SNX1: variants seen among roughly 807,000 people sequenced by gnomAD.
SNX1 encodes the protein sorting nexin-1.
Under a neutral mutation model 71.8 loss-of-function variants are expected in SNX1, and 36 were observed. The observed-to-expected ratio is 0.50, with a 90% CI of 0.38 to 0.66. The LOEUF is 0.66. Ranked by LOEUF, SNX1 falls within the 30% of genes least tolerant of loss-of-function variation. The pLI, the probability that SNX1 is intolerant of heterozygous loss-of-function variation, is 0.00. For synonymous variants in SNX1, 254 were observed against 240.7 expected, an observed-to-expected ratio of 1.06 and a Z score of -0.51; for missense variants, 612 against 646.7, an observed-to-expected ratio of 0.95 and a Z score of 0.58.
At chr15:64,102,534 C>T (rs138185007) in intron 1 of SNX1, among the ~76,000 whole-genome samples, 1 of 152,254 alleles carries the variant, frequency 6.6e-6, no homozygotes, top group African/African-American at 2.4e-5. Flanking sequence ...TCCTGCCCTG[C>T]CTTCCCTTCT....
chr15:64,138,282 A>G lies in SNX1; in HGVS notation c.*664A>G. On this transcript the variant is annotated 3_prime_UTR_variant, in exon 15 of 15. Transcript: ENST00000559844. Reference sequence around the variant, plus strand: ...TAAAATAAGAGGAGCAAAATCTATTAAAACCTATTCTCCTGCAAAGGAGGC... The same window carrying G: ...TAAAATAAGAGGAGCAAAATCTATTGAAACCTATTCTCCTGCAAAGGAGGC... The G allele has an allele frequency of 1.5e-6, 2 of 1,314,668 alleles. No individual in the cohort carries two copies. The highest frequency in any genetic ancestry group is 2.0e-6 in the Non-Finnish European group (2 of 1,000,456). 81.4% of individuals were successfully genotyped at this position (1,314,668 alleles called of 1,614,324 possible). A position where few individuals can be genotyped will look rare whatever the true frequency, so the allele number is the denominator to read the frequency against.
At chr15:64,101,405 C>A (rs2080959913) in intron 1 of SNX1, among the ~76,000 whole-genome samples, 1 of 152,136 alleles carries the variant, frequency 6.6e-6, no homozygotes, top group East Asian at 1.9e-4. Flanking sequence ...AGCACAGTGT[C>A]CTCAAGGTTC....
At position 64,127,248 on chromosome 15, in the gene SNX1, G is replaced by A; in HGVS notation, c.727G>A (p.Glu243Lys). Residue 243 changes from glutamate (E) to lysine (K), a missense_variant, in exon 7 of 15, where the codon GAA becomes AAA. Coordinates refer to ENST00000559844, the MANE Select transcript of SNX1 (RefSeq NM_003099.5). ...EFLEKRRAALERYLQRIVNHP... is the reference protein window; with the variant it reads ...EFLEKRRAALKRYLQRIVNHP... ...TCTTGAAAAACGGAGGGCCGCTTTA[G>A]AAAGGTAAGTGCCATGCAGCCATTT... 1.2e-6 allele frequency: 2 copies of A among 1,612,422 alleles called. No individual in the cohort carries two copies. Among genetic ancestry groups the A allele is most frequent in the Non-Finnish European group, 1.7e-6 (2 of 1,178,876 alleles).
rs2081404406 is a variant in SNX1, at chr15:64,140,757, C to G, written c.*3139C>G. 1 of 151,994 alleles carries G rather than the reference C, an allele frequency of 6.6e-6. No individual in the cohort carries two copies. The highest frequency in any genetic ancestry group is 2.4e-5 in the African/African-American group (1 of 41,360). 9.4% of individuals were successfully genotyped at this position (151,994 alleles called of 1,614,324 possible). A position where few individuals can be genotyped will look rare whatever the true frequency, so the allele number is the denominator to read the frequency against. ...TGCCCCCACACCCAGCTAATTTTTG[C>G]ATTTTTGGTAGAAATGGGGGTTTTA... On this transcript the variant is annotated 3_prime_UTR_variant, in exon 15 of 15. Coordinates refer to ENST00000559844, the MANE Select transcript of SNX1 (RefSeq NM_003099.5).
intron 5 of SNX1, 27 bp downstream of exon 5, chr15:64,123,573 CCATCTT>C (rs761903692): frequency 1.3e-6 from 2 of 1,598,396 alleles, no homozygotes; most frequent in South Asian, 1.1e-5. Context: ...CTGCTGATGA[CCATCTT>C]CATAGACTTT....
chr15:64,142,375 T>G lies in SNX1; in HGVS notation c.*4757T>G. 4.1e-6 allele frequency: 1 copy of G among 246,666 alleles called. No homozygotes were observed. Among genetic ancestry groups the G allele is most frequent in the Non-Finnish European group, 8.2e-6 (1 of 122,488 alleles). The allele number at this position is 246,666 out of a possible 1,614,324, so 15.3% of individuals were successfully genotyped here. A position where few individuals can be genotyped will look rare whatever the true frequency, so the allele number is the denominator to read the frequency against. ...GGGAAGGGAGGCCAGTTGCTTTAAG[T>G]AGGGGAGATAGAGTTAAAGGAGGCT... is the stretch of plus-strand genomic sequence containing the variant. On this transcript the variant is annotated 3_prime_UTR_variant, in exon 15 of 15. Coordinates refer to ENST00000559844, the MANE Select transcript of SNX1 (RefSeq NM_003099.5).
At chr15:64,137,046 CCTAT>C in intron 14 of SNX1, 114 bp downstream of exon 14, 1 of 754,524 alleles carries the variant, frequency 1.3e-6, no homozygotes, top group Non-Finnish European at 2.3e-6. Context: ...GCTGGGCCCT[CCTAT>C]AGTCCATCAT....
In SNX1 at chr15:64,134,655, C is replaced by T. The variant is rs1328912679; in HGVS notation, c.1222-9C>T. 6.2e-7 allele frequency: 1 copy of T among 1,607,176 alleles called. No homozygotes were observed. The highest frequency in any genetic ancestry group is 8.5e-7 in the Non-Finnish European group (1 of 1,176,604). On this transcript the variant is annotated splice_polypyrimidine_tract_variant and intron_variant, in intron 11 of 14. Coordinates refer to ENST00000559844, the MANE Select transcript of SNX1 (RefSeq NM_003099.5). The surrounding 1 kb of genome is among the most constrained non-coding windows in gnomAD (Gnocchi z 4.1). ...CTGGTTGTGCTCCTCCTCAACCCCA[C>T]CCCCACAGGCTGCCTTCGACCAGCG...
chr15:64,115,565 T>G (rs761798867), intron 2 of SNX1: 1 of 42,612 alleles, frequency 2.3e-5, no homozygotes, highest in East Asian at 4.1e-4. Context: ...TCAAAAGGCT[T>G]TTTTTTTTTT....
At chr15:64,120,628 A>C (rs981441489) in intron 4 of SNX1, among the ~76,000 whole-genome samples, 1 of 152,046 alleles carries the variant, frequency 6.6e-6, no homozygotes, top group African/African-American at 2.4e-5. Context: ...CCTGCCCAAC[A>C]TGGCAAGACC....
In SNX1 at chr15:64,142,587, G is replaced by C; in HGVS notation, c.*4969G>C. ...ATCTGTAGGTGGAGGGGAGGCCGAA[G>C]AGGGGAAGTTTCATGCTTGATAATT... On this transcript the variant is annotated 3_prime_UTR_variant, in exon 15 of 15. Transcript: ENST00000559844. 2.2e-6 allele frequency: 1 copy of C among 455,574 alleles called. No homozygotes were observed. Among genetic ancestry groups the C allele is most frequent in the Non-Finnish European group, 4.4e-6 (1 of 226,512 alleles). The allele number at this position is 455,574 out of a possible 1,614,324, so 28.2% of individuals were successfully genotyped here.
chr15:64,127,130 T>G, intron 6 of SNX1, 44 bp from the exon 7 acceptor site: 1 of 1,464,102 alleles, frequency 6.8e-7, no homozygotes, highest in Non-Finnish European at 9.5e-7. Context: ...TTTATCCTCT[T>G]CATGATGATT....
intron 6 of SNX1, 103 bp downstream of exon 6, chr15:64,126,323 G>A: frequency 1.6e-6 from 2 of 1,254,762 alleles, no homozygotes; most frequent in South Asian, 3.0e-5. Context: ...TAACAGTCTT[G>A]TGGTTAGAAA....
At chr15:64,102,197 TC>T (rs2080969216) in intron 1 of SNX1, among the ~76,000 whole-genome samples, 1 of 152,202 alleles carries the variant, frequency 6.6e-6, no homozygotes, top group African/African-American at 2.4e-5. Context: ...CTGTCTTAAA[TC>T]TGTTATATGG....
chr15:64,100,166 ACTG>A (rs2080943959), intron 1 of SNX1, among the ~76,000 whole-genome samples: 1 of 152,214 alleles, frequency 6.6e-6, no homozygotes, highest in Non-Finnish European at 1.5e-5. Flanking sequence ...CATTGATACA[ACTG>A]CTGCTGTTAA....
Position 64,096,018 on chromosome 15 carries a change from C to T in SNX1, c.5C>T (p.Ala2Val), listed in dbSNP as rs1302801480. Reference sequence around the variant, plus strand: ...TTCCGCCGCGGGTGGAAGAAGATGGCGTCGGGTGGTGGTGGCTGTAGCGCT... The same window carrying T: ...TTCCGCCGCGGGTGGAAGAAGATGGTGTCGGGTGGTGGTGGCTGTAGCGCT... M[A>V]SGGGGCSASE... Residue 2 changes from alanine (A) to valine (V), a missense_variant, in exon 1 of 15, where the codon GCG (alanine) becomes GTG (valine). By Grantham distance (64) the Ala-to-Val change is moderately conservative. Around this residue, in one of 2 missense-constraint regions of SNX1, gnomAD observed 316 missense variants for 284.9 expected, o/e 1.11. Coordinates refer to ENST00000559844, the MANE Select transcript of SNX1 (RefSeq NM_003099.5). 6 of 1,595,648 alleles carry T rather than the reference C, an allele frequency of 3.8e-6. No homozygotes were observed. Among genetic ancestry groups the T allele is most frequent in the South Asian group, 1.1e-5 (1 of 88,820 alleles).
chr15:64,101,112 C>G (rs1420319126), intron 1 of SNX1, among the ~76,000 whole-genome samples: 1 of 152,166 alleles, frequency 6.6e-6, no homozygotes, highest in African/African-American at 2.4e-5. Context: ...CAAAAACAAT[C>G]TTTTTGAAAA....
At chr15:64,133,818 C>A (rs906600832) in intron 11 of SNX1, among the ~76,000 whole-genome samples, 2 of 152,214 alleles carry the variant, frequency 1.3e-5, no homozygotes, top group African/African-American at 4.8e-5. Context: ...AGGCACAGAT[C>A]CTTGATCCAG....
chr15:64,137,944 C>T lies in SNX1; in HGVS notation c.*326C>T, dbSNP rs967024348. The stretch of plus-strand genomic sequence containing the variant: ...GATGTGGTTTAGGAACTGGGAATAA[C>T]GTTTTCTGTTACTCCTGATGGTGCC... On this transcript the variant is annotated 3_prime_UTR_variant, in exon 15 of 15. Coordinates refer to ENST00000559844, the MANE Select transcript of SNX1 (RefSeq NM_003099.5). 13 of 1,417,942 alleles carry T rather than the reference C, an allele frequency of 9.2e-6. No individual in the cohort carries two copies. The highest frequency in any genetic ancestry group is 7.2e-5 in the African/African-American group (5 of 69,420). The allele number at this position is 1,417,942 out of a possible 1,614,324, so 87.8% of individuals were successfully genotyped here.
Sources: gnomAD v4.1 joint callset for allele counts (sites outside exome capture counted in the v4.1 genomes callset) on GRCh38, gnomAD v4.1.1 for gene constraint, gnomAD v4.1.1 regional missense constraint, Gnocchi (gnomAD v3.1) non-coding constraint, MANE v1.5 for transcripts, NCBI Gene and HGNC (gene_info 2026-07-23, HGNC 2026-07-21) for gene names.